TEP1: variants seen among roughly 807,000 people sequenced by gnomAD.
TEP1 encodes the protein telomerase protein component 1.
TEP1 carries 241 observed loss-of-function variants against 306.3 expected under a neutral mutation model. That is an observed-to-expected ratio of 0.79 (90% CI 0.71 to 0.88). The LOEUF is 0.88. TEP1 is among the 40% of genes least tolerant of loss of function. The pLI is 0.00. For synonymous variants in TEP1, 1,289 were observed against 1,305.5 expected, an observed-to-expected ratio of 0.99 and a Z score of 0.27; for missense variants, 3,051 against 3,276.1, an observed-to-expected ratio of 0.93 and a Z score of 1.68.
chr14:20,401,911 C>T (rs542707501), intron 7 of TEP1, among the ~76,000 whole-genome samples: 3 of 152,084 alleles, frequency 2.0e-5, no homozygotes, highest in Non-Finnish European at 2.9e-5. Flanking sequence ...AAATCAGCTC[C>T]GATTTAAATC....
In TEP1 at chr14:20,367,696, C is replaced by T. The variant is rs544897623; in HGVS notation, c.*741G>A. The T allele has an allele frequency of 1.3e-5, 2 of 152,274 alleles. No homozygotes were observed. The highest frequency in any genetic ancestry group is 4.8e-5 in the African/African-American group (2 of 41,452). 9.4% of individuals were successfully genotyped at this position (152,274 alleles called of 1,614,324 possible). On this transcript the variant is annotated 3_prime_UTR_variant, in exon 55 of 55. Coordinates refer to ENST00000262715, the MANE Select transcript of TEP1 (RefSeq NM_007110.5). ...GTGTCTCGGCTCACTGCAAGCTCCG[C>T]CTCCTGGGTTCACGCCATTCTCCTG...
In TEP1 at chr14:20,408,478, A is replaced by G; in HGVS notation, c.-24-15T>C. 1.9e-6 allele frequency: 3 copies of G among 1,583,950 alleles called. No homozygotes were observed. The highest frequency in any genetic ancestry group is 2.6e-6 in the Non-Finnish European group (3 of 1,168,528). Reference sequence around the variant, plus strand: ...CTTGTATATGCCTAGAAGGAGAGAAAGACAGGAGATGAGCACCTGGCTGCA... The same window carrying G: ...CTTGTATATGCCTAGAAGGAGAGAAGGACAGGAGATGAGCACCTGGCTGCA... On this transcript the variant is annotated splice_polypyrimidine_tract_variant and intron_variant, in intron 1 of 54. Coordinates refer to ENST00000262715, the MANE Select transcript of TEP1 (RefSeq NM_007110.5).
intron 20 of TEP1, among the ~76,000 whole-genome samples, chr14:20,385,433 C>T (rs1031161378): frequency 5.1e-4 from 77 of 151,894 alleles, no homozygotes; most frequent in African/African-American, 1.5e-3. Flanking sequence ...AGTGCAATGG[C>T]GCAATCTTGG....
chr14:20,379,243 C>T, intron 35 of TEP1, 138 bp from the exon 36 acceptor site: 1 of 1,183,346 alleles, frequency 8.5e-7, no homozygotes, highest in South Asian at 1.5e-5. Flanking sequence ...AAGTCAAGCA[C>T]ACGTTCAAGT....
rs1884772871 is a variant in TEP1, at chr14:20,370,537, A to G, written c.7317+681T>C. The stretch of plus-strand genomic sequence containing the variant: ...TCCATTCATCAGCATGCAGTATCAC[A>G]TTAATTTTTTTGCCATGTAGTATTC... On this transcript the variant is annotated intron_variant, in intron 51 of 54. Coordinates refer to ENST00000262715, the MANE Select transcript of TEP1 (RefSeq NM_007110.5). 2.6e-5 allele frequency among the ~76,000 whole-genome samples: 4 copies of G among 152,234 alleles called. No homozygotes were observed. The South Asian group carries it at 8.3e-4, about 31-fold the overall frequency.
In TEP1 at chr14:20,385,108, GC is replaced by G; in HGVS notation, c.2983del (p.Ala995ProfsTer10). On this transcript the variant is annotated frameshift_variant and splice_region_variant, in exon 21 of 55. Transcript: ENST00000262715. LOFTEE classifies it high-confidence loss of function. Reference sequence around the variant, plus strand: ...AGAGCGCCCTGAAGGGTACTGCTGGGCCTGCGGGGAGGACAGAGACAGTGAG... The same window carrying G: ...AGAGCGCCCTGAAGGGTACTGCTGGGCTGCGGGGAGGACAGAGACAGTGAG... ...NLPDHPHFHW[A>X]QQYPSGRSVT... is the part of the protein sequence containing the mutation. The G allele has an allele frequency of 6.2e-7, 1 of 1,613,896 alleles. No individual in the cohort carries two copies. Among genetic ancestry groups the G allele is most frequent in the Non-Finnish European group, 8.5e-7 (1 of 1,179,932 alleles).
At position 20,401,451 on chromosome 14, in the gene TEP1, T is replaced by C. The variant is rs1347987805; in HGVS notation, c.1391+6A>G. 6.2e-7 allele frequency: 1 copy of C among 1,613,728 alleles called. No individual in the cohort carries two copies. The highest frequency in any genetic ancestry group is 8.5e-7 in the Non-Finnish European group (1 of 1,179,924). ...TGGAATGCATGCTCAGGGTGCAGCT[T>C]CTCACCTGTAACCCAGCAGGGCTTG... On this transcript the variant is annotated splice_donor_region_variant and intron_variant, in intron 8 of 54. Transcript: ENST00000262715.
chr14:20,380,479 T>TA lies in TEP1; in HGVS notation c.4763-5dup. On this transcript the variant is annotated splice_region_variant and splice_polypyrimidine_tract_variant and intron_variant, in intron 33 of 54. Transcript: ENST00000262715. The stretch of plus-strand genomic sequence containing the variant: ...TCCTCTTTGGGGACTGAAGAAGCTA[T>TA]AAAAGGGTGGCAGAATGTCACTGGG... 1 of 1,608,808 alleles carries TA rather than the reference T, an allele frequency of 6.2e-7. No homozygotes were observed. Among genetic ancestry groups the TA allele is most frequent in the Non-Finnish European group, 8.5e-7 (1 of 1,178,242 alleles).
chr14:20,384,370 G>A, intron 23 of TEP1, 21 bp downstream of exon 23: 1 of 1,613,766 alleles, frequency 6.2e-7, no homozygotes, highest in South Asian at 1.1e-5. Flanking sequence ...CATGCCTCTG[G>A]TCACCAGTGC....
rs1462987759 is a variant in TEP1, at chr14:20,381,713, GA to G, written c.4425-28del. On this transcript the variant is annotated intron_variant, in intron 30 of 54. Coordinates refer to ENST00000262715, the MANE Select transcript of TEP1 (RefSeq NM_007110.5). The surrounding 1 kb of genome is among the most constrained non-coding windows in gnomAD (Gnocchi z 4.0). ...TGTCCTCGTGTGAGGAAGGGAGAGA[GA>G]AGAAGGAAGAGGCCTGTCAGTGAGC... 1 of 1,568,708 alleles carries G rather than the reference GA, an allele frequency of 6.4e-7. No individual in the cohort carries two copies. Among genetic ancestry groups the G allele is most frequent in the African/African-American group, 1.4e-5 (1 of 72,802 alleles).
intron 1 of TEP1, among the ~76,000 whole-genome samples, chr14:20,412,375 T>G (rs920430019): frequency 6.6e-6 from 1 of 152,022 alleles, no homozygotes; most frequent in Non-Finnish European, 1.5e-5. Context: ...GTCTCACTAT[T>G]TTGCTCATTT....
rs778720394 is a variant in TEP1, at chr14:20,377,271, T to TA, written c.6088+8dup. ...TAATTTGTTAACCCTGCCCACTGTC[T>TA]AGTAGTACCTGAGGCAGAAGCCAAG... On this transcript the variant is annotated intron_variant, in intron 41 of 54. Transcript: ENST00000262715. 2 of 1,602,658 alleles carry TA rather than the reference T, an allele frequency of 1.2e-6. No individual in the cohort carries two copies. The highest frequency in any genetic ancestry group is 1.7e-6 in the Non-Finnish European group (2 of 1,172,426).
intron 5 of TEP1, among the ~76,000 whole-genome samples, 160 bp from the exon 6 acceptor site, chr14:20,404,044 C>A (rs1166955106): frequency 6.6e-6 from 1 of 152,170 alleles, no homozygotes; most frequent in Non-Finnish European, 1.5e-5. Flanking sequence ...ATTTTCATTT[C>A]TTCATTAGAA....
In TEP1 at chr14:20,385,030, G is replaced by C; in HGVS notation, c.3062C>G (p.Pro1021Arg). 6.2e-7 allele frequency: 1 copy of C among 1,614,208 alleles called. No homozygotes were observed. Among genetic ancestry groups the C allele is most frequent in the South Asian group, 1.1e-5 (1 of 91,088 alleles). ...GAAGTAGATGAGAGCTTGGGCAGAG[G>C]GCTGCAGACGTTGGTTCCGGTTCAG... ...QFLNRNQRLQ[P>R]SAQALIYFRD... Residue 1021 changes from proline to arginine, a missense_variant, in exon 21 of 55, where the codon CCC becomes CGC. Pro to Arg is a moderately radical substitution (Grantham distance 103, BLOSUM62 -2). Coordinates refer to ENST00000262715, the MANE Select transcript of TEP1 (RefSeq NM_007110.5).
At position 20,381,738 on chromosome 14, in the gene TEP1, G is replaced by A. The variant is rs1371692307; in HGVS notation, c.4425-52C>T. The A allele has an allele frequency of 2.6e-6, 4 of 1,545,020 alleles. 1 individual carries two copies. Among genetic ancestry groups the A allele is most frequent in the South Asian group, 2.5e-5 (2 of 80,230 alleles). On this transcript the variant is annotated intron_variant, in intron 30 of 54. Transcript: ENST00000262715. The surrounding 1 kb of genome is among the most constrained non-coding windows in gnomAD (Gnocchi z 4.0). The stretch of plus-strand genomic sequence containing the variant: ...GAAGAAGGAAGAGGCCTGTCAGTGA[G>A]CTTCCTGGCACACAGTGGGCTCCTA...
At chr14:20,401,325 A>C in intron 8 of TEP1, 132 bp downstream of exon 8, 1 of 1,404,590 alleles carries the variant, frequency 7.1e-7, no homozygotes, top group South Asian at 1.4e-5. Context: ...TTGGAAAGGC[A>C]GTCATGTCTA....
Position 20,367,181 on chromosome 14 carries a change from T to G in TEP1, c.*1256A>C, listed in dbSNP as rs1242786303. On this transcript the variant is annotated 3_prime_UTR_variant, in exon 55 of 55. Transcript: ENST00000262715. ...GAGTTTGAGACCCACCTGGCCAACA[T>G]GGTGAAACTTCGTCTCTACTGAAAT... The G allele has an allele frequency of 2.0e-5, 3 of 152,178 alleles. No individual in the cohort carries two copies. The highest frequency in any genetic ancestry group is 4.4e-5 in the Non-Finnish European group (3 of 68,044). 9.4% of individuals were successfully genotyped at this position (152,178 alleles called of 1,614,324 possible).
At position 20,377,493 on chromosome 14, in the gene TEP1, C is replaced by T. The variant is rs768380289; in HGVS notation, c.5876-1G>A. The T allele has an allele frequency of 5.1e-5, 82 of 1,613,550 alleles. No homozygotes were observed. The highest frequency in any genetic ancestry group is 6.7e-5 in the Non-Finnish European group (79 of 1,179,718). ...GCCTGACCCTGAGCCCCCTGGGAAC[C>T]TAGAGAATGAGAGAGAACAAGGGAG... On this transcript the variant is annotated splice_acceptor_variant, in intron 40 of 54. Coordinates refer to ENST00000262715, the MANE Select transcript of TEP1 (RefSeq NM_007110.5). LOFTEE classifies it high-confidence loss of function.
At chr14:20,404,558 C>T in intron 5 of TEP1, 53 bp downstream of exon 5, 1 of 1,570,914 alleles carries the variant, frequency 6.4e-7, no homozygotes, top group Non-Finnish European at 8.6e-7. Context: ...ATGCAGTGAG[C>T]ATAAGAGAAG....
Sources: gnomAD v4.1 joint callset for allele counts (sites outside exome capture counted in the v4.1 genomes callset) on GRCh38, gnomAD v4.1.1 for gene constraint, Gnocchi (gnomAD v3.1) non-coding constraint, MANE v1.5 for transcripts, NCBI Gene and HGNC (gene_info 2026-07-23, HGNC 2026-07-21) for gene names.